CHN2: variants seen among roughly 807,000 people sequenced by gnomAD.
CHN2 encodes beta-chimaerin.
Under a neutral mutation model 56.3 loss-of-function variants are expected in CHN2, and 35 were observed. That is an observed-to-expected ratio of 0.62 (90% CI 0.47 to 0.82). The LOEUF (loss-of-function observed/expected upper bound fraction) is 0.82, where lower values mean the gene tolerates loss of function less well. Ranked by LOEUF, CHN2 falls within the 40% of genes least tolerant of loss-of-function variation. The pLI, the probability that CHN2 is intolerant of heterozygous loss-of-function variation, is 0.00. For synonymous variants in CHN2, 210 were observed against 212.8 expected (o/e 0.99, Z 0.12); for missense variants, 491 against 580.5 (o/e 0.85, Z 1.58).
intron 3 of CHN2, among the ~76,000 whole-genome samples, chr7:29,391,796 G>T (rs2391755): frequency 0.052 from 7,860 of 152,250 alleles, 263 homozygotes; most frequent in South Asian, 0.089. Flanking sequence ...GCACATGGCT[G>T]GCCTGAGCCT....
chr7:29,350,352 A>G (rs1033128845), intron 1 of CHN2, among the ~76,000 whole-genome samples: 1 of 152,184 alleles, frequency 6.6e-6, no homozygotes. Context: ...ATTGTTTGAA[A>G]TTAGGGCAAA....
intron 1 of CHN2, among the ~76,000 whole-genome samples, chr7:29,344,875 A>G (rs1049845743): frequency 6.6e-6 from 1 of 152,030 alleles, no homozygotes; most frequent in Non-Finnish European, 1.5e-5. Flanking sequence ...ACCACCATCA[A>G]TGCTCCTTGT....
chr7:29,463,580 G>T (rs1231975601), intron 6 of CHN2, among the ~76,000 whole-genome samples: 1 of 152,190 alleles, frequency 6.6e-6, no homozygotes, highest in Non-Finnish European at 1.5e-5. Flanking sequence ...GGGGGTAAAG[G>T]ACTGTTTAAA....
rs1228903055 is a variant in CHN2, at chr7:29,194,990, G to A, written c.49G>A (p.Asp17Asn). The A allele has an allele frequency of 1.3e-6, 2 of 1,586,462 alleles. No individual in the cohort carries two copies. The highest frequency in any genetic ancestry group is 1.7e-6 in the Non-Finnish European group (2 of 1,168,998). Reference sequence around the variant, plus strand: ...CCTGTCCGGCTCGTCGGTGTCCTCCGGTGAGTTTCAGCCCGTCGGGCGCTG... The same window carrying A: ...CCTGTCCGGCTCGTCGGTGTCCTCCAGTGAGTTTCAGCCCGTCGGGCGCTG... ...SSLSGSSVSS[D>N]AEEYQPPIWK... Residue 17 changes from aspartate to asparagine, a missense_variant and splice_region_variant, in exon 1 of 13, where the codon GAT (aspartate) becomes AAT (asparagine). Asp to Asn is a conservative substitution (Grantham distance 23). Coordinates refer to ENST00000222792, the MANE Select transcript of CHN2 (RefSeq NM_004067.4).
rs200898924 is a variant in CHN2 at position 29,439,137 on chromosome 7, G to T, written c.576+38309G>T. On this transcript the variant is annotated intron_variant, in intron 6 of 12. Coordinates refer to ENST00000222792, the MANE Select transcript of CHN2 (RefSeq NM_004067.4). ...GAGGTTTTGCCTGTATTGGTTTTCAGAGGACAAAAAGGAGACTTCCCTAGT... is the reference window on the plus strand; with the variant it reads ...GAGGTTTTGCCTGTATTGGTTTTCATAGGACAAAAAGGAGACTTCCCTAGT... Among the ~76,000 whole-genome samples, 5 of 152,270 alleles carry T rather than the reference G, an allele frequency of 3.3e-5. No homozygotes were observed. The East Asian group carries it at 9.7e-4, about 29-fold the overall frequency.
At chr7:29,429,014 C>T (rs1017631699) in intron 6 of CHN2, among the ~76,000 whole-genome samples, 1 of 152,142 alleles carries the variant, frequency 6.6e-6, no homozygotes, top group Non-Finnish European at 1.5e-5. Flanking sequence ...CATTTCCACT[C>T]GCATTTTCAT....
intron 2 of CHN2, among the ~76,000 whole-genome samples, chr7:29,365,869 G>A (rs902171670): frequency 6.6e-6 from 1 of 152,216 alleles, no homozygotes; most frequent in African/African-American, 2.4e-5. Flanking sequence ...GGAAAAAACA[G>A]GCTGCAGGGT....
At chr7:29,378,438 C>T (rs374449960) in intron 3 of CHN2, among the ~76,000 whole-genome samples, 11 of 152,192 alleles carry the variant, frequency 7.2e-5, no homozygotes, top group African/African-American at 2.7e-4. Flanking sequence ...GCTTTTTCGT[C>T]TAGCATAGGC....
intron 2 of CHN2, among the ~76,000 whole-genome samples, chr7:29,150,669 A>T (rs1333064242): frequency 6.6e-6 from 1 of 152,218 alleles, no homozygotes; most frequent in Non-Finnish European, 1.5e-5. Flanking sequence ...AATGGAAACA[A>T]GGGGAATTGA....
intron 3 of CHN2, among the ~76,000 whole-genome samples, chr7:29,371,476 A>G (rs1799611780): frequency 6.6e-6 from 1 of 152,174 alleles, no homozygotes; most frequent in Non-Finnish European, 1.5e-5. Flanking sequence ...GATGCAAAAC[A>G]TCTTCCCATA....
Position 29,479,721 on chromosome 7 carries a change from A to C in CHN2, c.577-558A>C, listed in dbSNP as rs953255104. On this transcript the variant is annotated intron_variant, in intron 6 of 12. Coordinates refer to ENST00000222792, the MANE Select transcript of CHN2 (RefSeq NM_004067.4). ...GGGGGTGTGTGCGCTGGTGTGTTTG[A>C]GTGTGAAATGTGCTAATAAGGAGGA... 6 of 1,093,466 alleles carry C rather than the reference A, an allele frequency of 5.5e-6. No homozygotes were observed. In the African/African-American group the frequency reaches 9.8e-5, roughly 18 times the overall value. The allele number at this position is 1,093,466 out of a possible 1,614,324, so 67.7% of individuals were successfully genotyped here.
intron 12 of CHN2, among the ~76,000 whole-genome samples, chr7:29,511,411 G>A (rs527806557): frequency 6.6e-6 from 1 of 152,174 alleles, no homozygotes; most frequent in Non-Finnish European, 1.5e-5. Flanking sequence ...GGAAGGCAAA[G>A]TACCACTACC....
intron 1 of CHN2, among the ~76,000 whole-genome samples, chr7:29,315,423 G>A (rs1343795814): frequency 6.6e-6 from 1 of 152,182 alleles, no homozygotes; most frequent in African/African-American, 2.4e-5. Flanking sequence ...CCTTCAGGGA[G>A]TAATACATAG....
intron 2 of CHN2, among the ~76,000 whole-genome samples, chr7:29,175,119 A>G (rs1345925572): frequency 5.3e-5 from 8 of 151,470 alleles, no homozygotes; most frequent in African/African-American, 1.9e-4. Flanking sequence ...TGCTTCCCCC[A>G]TACTGTTCTC....
At chr7:29,264,301 G>A (rs139375906) in intron 1 of CHN2, among the ~76,000 whole-genome samples, 3,892 of 152,294 alleles carry the variant, frequency 0.026, 173 homozygotes, top group African/African-American at 0.088. Context: ...CCGTAACCCC[G>A]TCTGGGAGGT....
chr7:29,463,940 A>T (rs1468561292), intron 6 of CHN2, among the ~76,000 whole-genome samples: 2 of 152,150 alleles, frequency 1.3e-5, no homozygotes, highest in African/African-American at 4.8e-5. Flanking sequence ...TCCTGTGCTT[A>T]CTTTGACTGG....
At chr7:29,169,052 A>T (rs955621841) in intron 2 of CHN2, among the ~76,000 whole-genome samples, 2 of 151,852 alleles carry the variant, frequency 1.3e-5, no homozygotes, top group Non-Finnish European at 2.9e-5. Flanking sequence ...TTTGATTTTC[A>T]TAGGCAATTC....
At chr7:29,286,224 TC>T (rs397948356) in intron 1 of CHN2, among the ~76,000 whole-genome samples, 33 of 150,702 alleles carry the variant, frequency 2.2e-4, no homozygotes, top group Admixed American at 2.0e-3. Flanking sequence ...TTTTTTTTTT[TC>T]CCCTTACTCA....
At position 29,249,002 on chromosome 7, in the gene CHN2, C is replaced by G. The variant is rs533253645; in HGVS notation, c.49+54012C>G. 3.3e-5 allele frequency among the ~76,000 whole-genome samples: 5 copies of G among 152,264 alleles called. No homozygotes were observed. In the South Asian group the frequency reaches 6.2e-4, roughly 19 times the overall value. On this transcript the variant is annotated intron_variant, in intron 1 of 12. Transcript: ENST00000222792. ...TGATTCCAGTAGTCAAAAACAAGTT[C>G]TTCTTTTGCCCCTGTTTTGGTCAGG... is the stretch of plus-strand genomic sequence containing the variant.
Sources: gnomAD v4.1 joint callset for allele counts (sites outside exome capture counted in the v4.1 genomes callset) on GRCh38, gnomAD v4.1.1 for gene constraint, MANE v1.5 for transcripts, NCBI Gene and HGNC (gene_info 2026-07-23, HGNC 2026-07-21) for gene names.